The following STAT3 variants were observed in gnomAD, a reference collection of about 807,000 sequenced individuals.
STAT3 encodes DNA-binding protein APRF.
STAT3 carries 7 observed loss-of-function variants against 114.3 expected under a neutral mutation model. The ratio of observed to expected loss-of-function variants is 0.06; its 90% CI spans 0.03 to 0.11. The LOEUF (loss-of-function observed/expected upper bound fraction) is 0.11. Ranked by LOEUF, STAT3 falls within the 10% of genes least tolerant of loss-of-function variation. The pLI is 1.00. For missense variants in STAT3, 364 were observed against 960.9 expected (o/e 0.38, Z 8.21); for synonymous variants, 331 against 354.5 (o/e 0.93, Z 0.74).
intron 15 of STAT3, chr17:42,325,274 C>T: frequency 1.8e-6 from 1 of 550,684 alleles, no homozygotes; most frequent in East Asian, 3.1e-5. Context: ...AGGCTGCAGT[C>T]GGAATATACC....
chr17:42,386,233 A>G lies in STAT3; in HGVS notation c.-24+2046T>C, dbSNP rs549191988. On this transcript the variant is annotated intron_variant, in intron 1 of 23. Transcript: ENST00000264657. ...GAGGCAGAGGTTGCAGTGAGCCAAG[A>G]TTGCGCCACTGCACTCTAGCCTGGG... 1.4e-4 allele frequency among the ~76,000 whole-genome samples: 21 copies of G among 148,712 alleles called. No individual in the cohort carries two copies. The South Asian group carries it at 4.5e-3, about 32-fold the overall frequency.
At chr17:42,354,495 CTAG>C (rs1451661231) in intron 1 of STAT3, among the ~76,000 whole-genome samples, 1 of 151,136 alleles carries the variant, frequency 6.6e-6, no homozygotes, top group African/African-American at 2.4e-5. Flanking sequence ...CAGAAACCAG[CTAG>C]TAGTTTTTTC....
intron 17 of STAT3, 81 bp from the exon 18 acceptor site, chr17:42,323,706 AT>A: frequency 7.4e-7 from 1 of 1,346,320 alleles, no homozygotes; most frequent in South Asian, 1.2e-5. Flanking sequence ...ACACACACAC[AT>A]TCATCCCACA....
chr17:42,355,979 G>A (rs529682227), intron 1 of STAT3, among the ~76,000 whole-genome samples: 3 of 152,206 alleles, frequency 2.0e-5, no homozygotes, highest in East Asian at 1.9e-4. Context: ...GTTCCACTTT[G>A]CAATGTGTCA....
Position 42,317,233 on chromosome 17 carries a change from A to C in STAT3, c.2102-9T>G. ...CAGGTATGGGGCAGCGCCTGGGAAG[A>C]AGAAAACCAGTTTTCTTACTGACTG... On this transcript the variant is annotated splice_polypyrimidine_tract_variant and intron_variant, in intron 21 of 23. Transcript: ENST00000264657. 1.2e-6 allele frequency: 2 copies of C among 1,613,614 alleles called. No individual in the cohort carries two copies. The highest frequency in any genetic ancestry group is 1.1e-5 in the South Asian group (1 of 90,996).
rs969402569 is a variant in STAT3 at position 42,313,587 on chromosome 17, C to CT, written c.*2157dup. ...AGGAAGCGGGCAGGGCCTGAGGACC[C>CT]TGTTCTTTAATGGGCCACAACAGGG... On this transcript the variant is annotated 3_prime_UTR_variant, in exon 24 of 24. Coordinates refer to ENST00000264657, the MANE Select transcript of STAT3 (RefSeq NM_139276.3). 2 of 230,554 alleles carry CT rather than the reference C, an allele frequency of 8.7e-6. No individual in the cohort carries two copies. The highest frequency in any genetic ancestry group is 2.2e-5 in the African/African-American group (1 of 45,022). The allele number at this position is 230,554 out of a possible 1,614,324, so 14.3% of individuals were successfully genotyped here.
At chr17:42,361,534 A>G (rs2083507411) in intron 1 of STAT3, among the ~76,000 whole-genome samples, 1 of 152,044 alleles carries the variant, frequency 6.6e-6, no homozygotes, top group South Asian at 2.1e-4. Context: ...AAAGAATAAT[A>G]ATAAATTTTT....
At chr17:42,329,379 C>T (rs559597824) in intron 14 of STAT3, 31 bp downstream of exon 14, 14 of 1,612,924 alleles carry the variant, frequency 8.7e-6, no homozygotes, top group Middle Eastern at 1.9e-4. Flanking sequence ...GGAAAACACC[C>T]CAGTTGTCTT....
chr17:42,358,489 C>T (rs2083338009), intron 1 of STAT3, among the ~76,000 whole-genome samples: 1 of 152,212 alleles, frequency 6.6e-6, no homozygotes, highest in Admixed American at 6.5e-5. Flanking sequence ...ACTGAGTGCA[C>T]AGTTGATTGT....
In STAT3 at chr17:42,333,643, T is replaced by C; in HGVS notation, c.1049+30A>G. 2 of 1,612,934 alleles carry C rather than the reference T, an allele frequency of 1.2e-6. No homozygotes were observed. Among genetic ancestry groups the C allele is most frequent in the Non-Finnish European group, 8.5e-7 (1 of 1,179,122 alleles). ...CCTAACAGTGTCCCTCAGTAAAATCTCTACTGGAAATGGAAGTGGCATGGC... is the reference window on the plus strand; with the variant it reads ...CCTAACAGTGTCCCTCAGTAAAATCCCTACTGGAAATGGAAGTGGCATGGC... On this transcript the variant is annotated intron_variant, in intron 10 of 23. Coordinates refer to ENST00000264657, the MANE Select transcript of STAT3 (RefSeq NM_139276.3). This position sits in a 1 kb window ranked among gnomAD's most constrained non-coding sequence, Gnocchi z 5.2.
intron 1 of STAT3, among the ~76,000 whole-genome samples, chr17:42,358,260 T>A (rs540348503): frequency 3.9e-5 from 6 of 152,022 alleles, no homozygotes; most frequent in Admixed American, 1.3e-4. Flanking sequence ...TACAAAAAAA[T>A]TTTTTTAAAA....
At position 42,345,017 on chromosome 17, in the gene STAT3, G is replaced by A. The variant is rs543606324; in HGVS notation, c.372+542C>T. ...ACAGTGGCTCACGCCTGTAATCCCA[G>A]CACTGTGGGAGGCTGAGGCGGGCGG... is the stretch of plus-strand genomic sequence containing the variant. On this transcript the variant is annotated intron_variant, in intron 4 of 23. Coordinates refer to ENST00000264657, the MANE Select transcript of STAT3 (RefSeq NM_139276.3). 2.0e-5 allele frequency among the ~76,000 whole-genome samples: 3 copies of A among 152,056 alleles called. No individual in the cohort carries two copies. In the South Asian group the frequency reaches 6.2e-4, roughly 32 times the overall value.
intron 14 of STAT3, among the ~76,000 whole-genome samples, chr17:42,328,481 C>G (rs2081841266): frequency 6.6e-6 from 1 of 152,154 alleles, no homozygotes. Context: ...AATCTTGGCT[C>G]ACTGCAAGCT....
intron 4 of STAT3, among the ~76,000 whole-genome samples, chr17:42,343,718 G>T (rs1428921759): frequency 1.3e-5 from 2 of 152,012 alleles, no homozygotes; most frequent in Non-Finnish European, 2.9e-5. Flanking sequence ...CTCCCAAAGT[G>T]CTTGGATTAC....
In STAT3 at chr17:42,362,370, T is replaced by C. The variant is rs73983717; in HGVS notation, c.-23-13831A>G. On this transcript the variant is annotated intron_variant, in intron 1 of 23. Coordinates refer to ENST00000264657, the MANE Select transcript of STAT3 (RefSeq NM_139276.3). ...GCAGAAACATCAGAGCCAAAATGCA[T>C]AGGGGGCCATGGCAAGAGCTGTTAA... 9.4e-3 allele frequency among the ~76,000 whole-genome samples: 1,432 copies of C among 152,260 alleles called. 28 individuals carry two copies. Among genetic ancestry groups the C allele is most frequent in the African/African-American group, 0.033 (1,377 of 41,546 alleles).
chr17:42,328,024 G>A (rs1252919768), intron 14 of STAT3, among the ~76,000 whole-genome samples: 1 of 146,900 alleles, frequency 6.8e-6, no homozygotes, highest in Non-Finnish European at 1.5e-5. Flanking sequence ...CCGATAGAAC[G>A]AGACTCCGAC....
At chr17:42,368,811 G>C (rs2083946253) in intron 1 of STAT3, among the ~76,000 whole-genome samples, 1 of 151,706 alleles carries the variant, frequency 6.6e-6, no homozygotes, top group Non-Finnish European at 1.5e-5. Flanking sequence ...TCATGTCAGA[G>C]GGGTTTGTTG....
intron 11 of STAT3, 136 bp from the exon 12 acceptor site, chr17:42,329,912 T>G (rs1026383258): frequency 5.9e-6 from 6 of 1,020,800 alleles, no homozygotes; most frequent in Non-Finnish European, 8.9e-6. Context: ...CAGTTACAGT[T>G]GATCAGCGCA....
intron 14 of STAT3, among the ~76,000 whole-genome samples, chr17:42,327,393 T>TCA (rs1465570350): frequency 4.6e-5 from 7 of 152,364 alleles, no homozygotes; most frequent in Admixed American, 3.3e-4. Flanking sequence ...CTTTTGGGAT[T>TCA]CACTTTTCAC....
Sources: allele counts gnomAD v4.1 joint callset (sites outside exome capture counted in the v4.1 genomes callset), GRCh38; gene constraint gnomAD v4.1.1; non-coding constraint Gnocchi (gnomAD v3.1); transcripts MANE v1.5; gene names NCBI Gene and HGNC (gene_info 2026-07-23, HGNC 2026-07-21).